Variants in KLHL29 observed in about 807,000 individuals in gnomAD.
The protein encoded by KLHL29 is kelch-like protein 29.
KLHL29 carries 21 observed loss-of-function variants against 80.4 expected under a neutral mutation model. The ratio of observed to expected loss-of-function variants is 0.26; its 90% CI spans 0.19 to 0.38. KLHL29 has a LOEUF of 0.38. Among genes scored for constraint, KLHL29 ranks in the 10% least tolerant of loss-of-function variants. The probability of loss-of-function intolerance (pLI) is 1.00; values close to 1 mark genes in which losing one functional copy is unlikely to be tolerated. For synonymous variants in KLHL29, 511 were observed against 526.8 expected, an observed-to-expected ratio of 0.97 and a Z score of 0.41; for missense variants, 867 against 1,223.9, an observed-to-expected ratio of 0.71 and a Z score of 4.35.
At chr2:23,593,596 C>T (rs1033505390) in intron 3 of KLHL29, among the ~76,000 whole-genome samples, 1 of 152,122 alleles carries the variant, frequency 6.6e-6, no homozygotes, top group Non-Finnish European at 1.5e-5. Context: ...GGCAGTGGTG[C>T]GGAGGAGAAG....
chr2:23,591,473 C>G (rs1054910841), intron 3 of KLHL29, among the ~76,000 whole-genome samples: 23 of 151,156 alleles, frequency 1.5e-4, no homozygotes, highest in Admixed American at 9.2e-4. Context: ...TCAGCCTCCC[C>G]CTGGGTTTCC....
chr2:23,611,299 G>A (rs1175436370), intron 3 of KLHL29, among the ~76,000 whole-genome samples: 1 of 152,180 alleles, frequency 6.6e-6, no homozygotes, highest in Non-Finnish European at 1.5e-5. Flanking sequence ...GAGCTGAGCA[G>A]GGCGCTTGAC....
intron 2 of KLHL29, among the ~76,000 whole-genome samples, chr2:23,492,954 G>A (rs745979990): frequency 3.3e-5 from 5 of 152,152 alleles, no homozygotes; most frequent in Admixed American, 2.0e-4. Flanking sequence ...GCCTCTCTCC[G>A]TTGCAGCTGT....
intron 2 of KLHL29, among the ~76,000 whole-genome samples, chr2:23,477,343 ATTGAGG>A (rs1281858551): frequency 6.6e-6 from 1 of 152,258 alleles, no homozygotes; most frequent in Non-Finnish European, 1.5e-5. Context: ...ACTCAGAGAC[ATTGAGG>A]TTGGGGATGG....
chr2:23,647,356 C>G lies in KLHL29; in HGVS notation c.940+4506C>G, dbSNP rs1020291779. 1.3e-5 allele frequency among the ~76,000 whole-genome samples: 2 copies of G among 152,202 alleles called. No individual in the cohort carries two copies. The highest frequency in any genetic ancestry group is 4.1e-4 in the South Asian group (2 of 4,830). On this transcript the variant is annotated intron_variant, in intron 5 of 13. Transcript: ENST00000486442. This position sits in a 1 kb window ranked among gnomAD's most constrained non-coding sequence, Gnocchi z 4.9. ...TCAGGCCAGAGGCACAGAATTTTATCCAGACTGAAACTGTCTTCCCACAGA... is the reference window on the plus strand; with the variant it reads ...TCAGGCCAGAGGCACAGAATTTTATGCAGACTGAAACTGTCTTCCCACAGA...
chr2:23,527,874 A>T (rs1369491644), intron 2 of KLHL29, among the ~76,000 whole-genome samples: 2 of 152,158 alleles, frequency 1.3e-5, no homozygotes, highest in African/African-American at 4.8e-5. Flanking sequence ...CATTCATCCC[A>T]ACCAAACGTA....
At chr2:23,501,521 T>C (rs1027799833) in intron 2 of KLHL29, among the ~76,000 whole-genome samples, 1 of 152,200 alleles carries the variant, frequency 6.6e-6, no homozygotes, top group Non-Finnish European at 1.5e-5. Context: ...ATCATCGATG[T>C]TCAGGTTGAA....
intron 5 of KLHL29, among the ~76,000 whole-genome samples, chr2:23,655,127 A>C (rs1191124292): frequency 6.6e-6 from 1 of 152,262 alleles, no homozygotes; most frequent in African/African-American, 2.4e-5. Flanking sequence ...GGAATTCCCA[A>C]AGTAACACAA....
At chr2:23,543,647 T>A (rs1040477593) in intron 2 of KLHL29, among the ~76,000 whole-genome samples, 1 of 152,330 alleles carries the variant, frequency 6.6e-6, no homozygotes, top group Admixed American at 6.5e-5. Flanking sequence ...AGTCAGATAG[T>A]GCCTAGGAGC....
chr2:23,651,037 C>T (rs1670075076), intron 5 of KLHL29, among the ~76,000 whole-genome samples: 1 of 152,100 alleles, frequency 6.6e-6, no homozygotes, highest in Admixed American at 6.5e-5. Flanking sequence ...AGAGCACACT[C>T]ACTATTCTAG....
chr2:23,644,515 G>C (rs955082432), intron 5 of KLHL29, among the ~76,000 whole-genome samples: 4 of 152,236 alleles, frequency 2.6e-5, no homozygotes, highest in Non-Finnish European at 5.9e-5. Context: ...GCTGAGAAAG[G>C]ACTGGAGTCC....
chr2:23,388,004 T>G (rs989300299), intron 1 of KLHL29, among the ~76,000 whole-genome samples: 1 of 152,230 alleles, frequency 6.6e-6, no homozygotes, highest in Non-Finnish European at 1.5e-5. Context: ...TCTCCAACTT[T>G]CATTTGCAAG....
intron 3 of KLHL29, among the ~76,000 whole-genome samples, chr2:23,637,763 C>G (rs1465137655): frequency 6.6e-6 from 1 of 152,150 alleles, no homozygotes; most frequent in Non-Finnish European, 1.5e-5. Context: ...AGGGGCTCAG[C>G]AGCAGGCCCT....
chr2:23,681,610 A>G lies in KLHL29; in HGVS notation c.941-2789A>G, dbSNP rs538220121. Among the ~76,000 whole-genome samples, 1 of 152,268 alleles carries G rather than the reference A, an allele frequency of 6.6e-6. No individual in the cohort carries two copies. The highest frequency in any genetic ancestry group is 2.1e-4 in the South Asian group (1 of 4,824). On this transcript the variant is annotated intron_variant, in intron 5 of 13. Coordinates refer to ENST00000486442, the MANE Select transcript of KLHL29 (RefSeq NM_052920.2). The surrounding 1 kb of genome is among the most constrained non-coding windows in gnomAD (Gnocchi z 4.2). Reference sequence around the variant, plus strand: ...TGTCACTCTCTGCAGCATGACACCCAGGGGGCTACCAAGCAGGTGTCTCTG... The same window carrying G: ...TGTCACTCTCTGCAGCATGACACCCGGGGGGCTACCAAGCAGGTGTCTCTG...
At chr2:23,571,116 T>C (rs571287623) in intron 3 of KLHL29, among the ~76,000 whole-genome samples, 1 of 152,244 alleles carries the variant, frequency 6.6e-6, no homozygotes, top group Non-Finnish European at 1.5e-5. Flanking sequence ...GGACTCAGCA[T>C]AGGACAGCCT....
intron 4 of KLHL29, among the ~76,000 whole-genome samples, chr2:23,639,856 C>G (rs1482759484): frequency 6.6e-6 from 1 of 152,206 alleles, no homozygotes; most frequent in Non-Finnish European, 1.5e-5. Context: ...CTTCATCCCC[C>G]TCTCAAAGTC....
At chr2:23,595,606 G>A (rs150516097) in intron 3 of KLHL29, among the ~76,000 whole-genome samples, 29 of 152,302 alleles carry the variant, frequency 1.9e-4, no homozygotes, top group East Asian at 5.8e-4. Context: ...GGCAGGCAGC[G>A]GGCACTGCCA....
At chr2:23,686,353 C>T (rs562970797) in intron 6 of KLHL29, among the ~76,000 whole-genome samples, 1 of 152,110 alleles carries the variant, frequency 6.6e-6, no homozygotes, top group African/African-American at 2.4e-5. Flanking sequence ...ACATCCCCAC[C>T]TTGGCAGGTA....
intron 1 of KLHL29, among the ~76,000 whole-genome samples, chr2:23,399,536 C>T (rs1477663879): frequency 2.6e-5 from 4 of 152,180 alleles, no homozygotes; most frequent in East Asian, 1.9e-4. Context: ...CCGTGTTACC[C>T]GCTCTGTGCT....
Sources: gnomAD v4.1 joint callset for allele counts (sites outside exome capture counted in the v4.1 genomes callset) on GRCh38, gnomAD v4.1.1 for gene constraint, Gnocchi (gnomAD v3.1) non-coding constraint, MANE v1.5 for transcripts, NCBI Gene and HGNC (gene_info 2026-07-23, HGNC 2026-07-21) for gene names.